ABHD6: variants seen among roughly 807,000 people sequenced by gnomAD.
The protein encoded by ABHD6 is monoacylglycerol lipase ABHD6.
Under a neutral mutation model 38.8 loss-of-function variants are expected in ABHD6, and 33 were observed. The observed-to-expected ratio is 0.85, with a 90% CI of 0.64 to 1.14. ABHD6 has a LOEUF of 1.14. ABHD6 is among the 50% of genes most tolerant of loss of function. The pLI is 0.00. For synonymous variants in ABHD6, 147 were observed against 161.6 expected, an observed-to-expected ratio of 0.91 and a Z score of 0.69; for missense variants, 380 against 422.6, an observed-to-expected ratio of 0.90 and a Z score of 0.88.
At position 58,269,362 on chromosome 3, in the gene ABHD6, A is replaced by G; in HGVS notation, c.318A>G (p.Pro106=). 1 of 1,613,990 alleles carries G rather than the reference A, an allele frequency of 6.2e-7. No individual in the cohort carries two copies. The highest frequency in any genetic ancestry group is 2.2e-5 in the East Asian group (1 of 44,878). ...KNLHLVCVDM[P]GHEGTTRSSL... is the part of the protein sequence containing the mutation. ...TGCACTTGGTCTGCGTGGACATGCC[A>G]GGACATGAGGGCACCACCCGCTCCT... The change falls in exon 5 of 10, where the codon CCA becomes CCG. Residue 106 remains proline, a synonymous_variant. Coordinates refer to ENST00000478253, the MANE Select transcript of ABHD6 (RefSeq NM_001320126.2). The surrounding 1 kb of genome is among the most constrained non-coding windows in gnomAD (Gnocchi z 4.4).
Position 58,266,079 on chromosome 3 carries a change from G to A in ABHD6, c.120-1110G>A, listed in dbSNP as rs893240789. On this transcript the variant is annotated intron_variant, in intron 3 of 9. Transcript: ENST00000478253. The surrounding 1 kb of genome is among the most constrained non-coding windows in gnomAD (Gnocchi z 4.0). ...ATACGCTTGCCTTGCTGTAAGAAGA[G>A]CTTTTAAGCTAGCCAATGCTATTAT... is the stretch of plus-strand genomic sequence containing the variant. 6.6e-6 allele frequency among the ~76,000 whole-genome samples: 1 copy of A among 152,236 alleles called. No individual in the cohort carries two copies. Among genetic ancestry groups the A allele is most frequent in the Non-Finnish European group, 1.5e-5 (1 of 68,042 alleles).
rs1190182868 is a variant in ABHD6 at position 58,265,714 on chromosome 3, C to G, written c.120-1475C>G. Among the ~76,000 whole-genome samples the G allele has an allele frequency of 6.6e-6, 1 of 152,114 alleles. No homozygotes were observed. Among genetic ancestry groups the G allele is most frequent in the African/African-American group, 2.4e-5 (1 of 41,404 alleles). ...AAAGAAATTTGTTTGGCTTATTGTT[C>G]TGGAGGTTGGGAAGCCCAAGAGAAT... On this transcript the variant is annotated intron_variant, in intron 3 of 9. Transcript: ENST00000478253. The surrounding 1 kb of genome is among the most constrained non-coding windows in gnomAD (Gnocchi z 4.2).
Position 58,285,580 on chromosome 3 carries a change from G to T in ABHD6, c.837+127G>T. Reference sequence around the variant, plus strand: ...CGCTGCTGTCAGGAAGAGGGGGAAGGCACCTGTGTTGGGTGCCAGTGTTGA... The same window carrying T: ...CGCTGCTGTCAGGAAGAGGGGGAAGTCACCTGTGTTGGGTGCCAGTGTTGA... On this transcript the variant is annotated intron_variant, in intron 9 of 9. Transcript: ENST00000478253. The surrounding 1 kb of genome is among the most constrained non-coding windows in gnomAD (Gnocchi z 4.9). The T allele has an allele frequency of 1.2e-6, 1 of 806,178 alleles. No individual in the cohort carries two copies. The highest frequency in any genetic ancestry group is 2.1e-6 in the Non-Finnish European group (1 of 481,882). The allele number at this position is 806,178 out of a possible 1,614,324, so 49.9% of individuals were successfully genotyped here. A position where few individuals can be genotyped will look rare whatever the true frequency, so the allele number is the denominator to read the frequency against.
At chr3:58,246,170 A>G (rs2097426263) in intron 1 of ABHD6, among the ~76,000 whole-genome samples, 1 of 152,158 alleles carries the variant, frequency 6.6e-6, no homozygotes, top group African/African-American at 2.4e-5. Context: ...TTAAACGTAA[A>G]GGGTCAAGTG....
intron 1 of ABHD6, among the ~76,000 whole-genome samples, chr3:58,244,927 T>C (rs756735033): frequency 1.3e-5 from 2 of 152,140 alleles, no homozygotes; most frequent in Non-Finnish European, 2.9e-5. Flanking sequence ...GGCTTTACCA[T>C]ATATCCTTTT....
At chr3:58,286,835 T>G (rs2097457352) in intron 9 of ABHD6, among the ~76,000 whole-genome samples, 1 of 89,420 alleles carries the variant, frequency 1.1e-5, no homozygotes, top group Non-Finnish European at 2.2e-5. Flanking sequence ...TGTGTGTGTG[T>G]GTGTGTGTGT....
At position 58,293,577 on chromosome 3, in the gene ABHD6, C is replaced by G. The variant is rs1353797964; in HGVS notation, c.838-12C>G. The G allele has an allele frequency of 1.2e-6, 2 of 1,613,422 alleles. No individual in the cohort carries two copies. The highest frequency in any genetic ancestry group is 1.7e-6 in the Non-Finnish European group (2 of 1,179,574). On this transcript the variant is annotated splice_polypyrimidine_tract_variant and intron_variant, in intron 9 of 9. Coordinates refer to ENST00000478253, the MANE Select transcript of ABHD6 (RefSeq NM_001320126.2). This position sits in a 1 kb window ranked among gnomAD's most constrained non-coding sequence, Gnocchi z 4.4. Reference sequence around the variant, plus strand: ...CTTTGTGTATCATCCAGCTCCCTTTCTTGCCCAGCAGGTGCTGGATGTGTC... The same window carrying G: ...CTTTGTGTATCATCCAGCTCCCTTTGTTGCCCAGCAGGTGCTGGATGTGTC...
At position 58,273,306 on chromosome 3, in the gene ABHD6, TC is replaced by T. The variant is rs1193936630; in HGVS notation, c.524-1349del. Among the ~76,000 whole-genome samples the T allele has an allele frequency of 2.0e-5, 3 of 152,100 alleles. No homozygotes were observed. The highest frequency in any genetic ancestry group is 3.9e-4 in the East Asian group (2 of 5,188). Reference sequence around the variant, plus strand: ...TGGGTGAGGTAGCTCACACCTGTAATCCCAACACTTTGGGAGGCTAAGAGAG... The same window carrying T: ...TGGGTGAGGTAGCTCACACCTGTAATCCAACACTTTGGGAGGCTAAGAGAG... On this transcript the variant is annotated intron_variant, in intron 6 of 9. Coordinates refer to ENST00000478253, the MANE Select transcript of ABHD6 (RefSeq NM_001320126.2). This position sits in a 1 kb window ranked among gnomAD's most constrained non-coding sequence, Gnocchi z 4.8.
rs890320751 is a variant in ABHD6, at chr3:58,238,683, G to C, written c.-91+767G>C. ...GCATGGGGGAGTGGGGGAAGAGGAG[G>C]ATGCCAGAGGGTCTAGATACTGTGC... On this transcript the variant is annotated intron_variant, in intron 1 of 9. Coordinates refer to ENST00000478253, the MANE Select transcript of ABHD6 (RefSeq NM_001320126.2). The surrounding 1 kb of genome is among the most constrained non-coding windows in gnomAD (Gnocchi z 6.9). 1 of 153,410 alleles carries C rather than the reference G, an allele frequency of 6.5e-6. No homozygotes were observed. Among genetic ancestry groups the C allele is most frequent in the African/African-American group, 2.4e-5 (1 of 41,472 alleles). The allele number at this position is 153,410 out of a possible 1,614,324, so 9.5% of individuals were successfully genotyped here.
At chr3:58,292,608 C>T (rs939043455) in intron 9 of ABHD6, among the ~76,000 whole-genome samples, 5 of 152,052 alleles carry the variant, frequency 3.3e-5, no homozygotes, top group Non-Finnish European at 7.4e-5. Flanking sequence ...CTCTGGGGAT[C>T]CCCAGAGGAC....
At chr3:58,258,528 T>G (rs572824763) in intron 3 of ABHD6, 1 of 294,524 alleles carries the variant, frequency 3.4e-6, no homozygotes, top group South Asian at 2.7e-5. Flanking sequence ...CATGCCACTG[T>G]CCAATTATCA....
At chr3:58,240,367 C>T (rs964980716) in intron 1 of ABHD6, among the ~76,000 whole-genome samples, 2 of 151,910 alleles carry the variant, frequency 1.3e-5, no homozygotes, top group Non-Finnish European at 2.9e-5. Context: ...GTGTGCACCA[C>T]CACACCTGGC....
intron 7 of ABHD6, among the ~76,000 whole-genome samples, chr3:58,284,181 T>C (rs2097455317): frequency 6.6e-6 from 1 of 152,150 alleles, no homozygotes; most frequent in African/African-American, 2.4e-5. Flanking sequence ...TTTGGGTCAG[T>C]AGCCCAGGTC....
At chr3:58,289,368 A>G (rs1279052949) in intron 9 of ABHD6, among the ~76,000 whole-genome samples, 5 of 151,548 alleles carry the variant, frequency 3.3e-5, no homozygotes. Flanking sequence ...TTTCCTAGGC[A>G]GAGGACCCTG....
chr3:58,279,955 A>T (rs956081398), intron 7 of ABHD6, among the ~76,000 whole-genome samples: 1 of 152,162 alleles, frequency 6.6e-6, no homozygotes, highest in African/African-American at 2.4e-5. Context: ...CTGCCAAGAG[A>T]TCCGCTGTTA....
intron 1 of ABHD6, among the ~76,000 whole-genome samples, chr3:58,246,883 T>TAGTC (rs2097426778): frequency 6.6e-6 from 1 of 152,210 alleles, no homozygotes; most frequent in African/African-American, 2.4e-5. Context: ...ATGTGGGCAG[T>TAGTC]AGTCCGCCAG....
chr3:58,288,729 GC>G (rs2097459312), intron 9 of ABHD6, among the ~76,000 whole-genome samples: 1 of 152,182 alleles, frequency 6.6e-6, no homozygotes. Context: ...CAGGATCCCT[GC>G]CCTCCAGCAA....
rs867274028 is a variant in ABHD6 at position 58,292,894 on chromosome 3, C to T, written c.838-695C>T. On this transcript the variant is annotated intron_variant, in intron 9 of 9. Coordinates refer to ENST00000478253, the MANE Select transcript of ABHD6 (RefSeq NM_001320126.2). ...TCACGCCACTTCATTCCAGCCTGGG[C>T]GAAAGAGTGAAACTCCTTTTCAACA... is the stretch of plus-strand genomic sequence containing the variant. Among the ~76,000 whole-genome samples the T allele has an allele frequency of 7.2e-5, 11 of 152,240 alleles. No homozygotes were observed. In the East Asian group the frequency reaches 7.7e-4, roughly 11 times the overall value.
At chr3:58,274,360 T>C (rs1484231383) in intron 6 of ABHD6, among the ~76,000 whole-genome samples, 1 of 152,204 alleles carries the variant, frequency 6.6e-6, no homozygotes, top group African/African-American at 2.4e-5. Context: ...AGGCAAATTC[T>C]GGTTCAAGAG....
Sources: allele counts gnomAD v4.1 joint callset (sites outside exome capture counted in the v4.1 genomes callset), GRCh38; gene constraint gnomAD v4.1.1; non-coding constraint Gnocchi (gnomAD v3.1); transcripts MANE v1.5; gene names NCBI Gene and HGNC (gene_info 2026-07-23, HGNC 2026-07-21).